Variants in CAST observed in about 807,000 individuals in gnomAD.
CAST encodes the protein calpastatin.
In CAST, 76 loss-of-function variants were observed where a neutral mutation model predicts 119.6. The ratio of observed to expected loss-of-function variants is 0.64; its 90% CI spans 0.53 to 0.77. The LOEUF is 0.77. CAST is among the 30% of genes least tolerant of loss of function. CAST has a pLI of 0.00. For missense variants in CAST, 953 were observed against 946.5 expected, an observed-to-expected ratio of 1.01 and a Z score of -0.09; for synonymous variants, 319 against 331.6, an observed-to-expected ratio of 0.96 and a Z score of 0.41.
chr5:96,770,531 G>T lies in CAST; in HGVS notation c.2269G>T (p.Asp757Tyr). The stretch of plus-strand genomic sequence containing the variant: ...CCTCATTACATTTCCTTTGCTTTAG[G>T]ATAAGTGCAAGAAGGCTGCTTCCAG... ...TTETSQNTAK[D>Y]KCKKAASSSK... Residue 757 changes from aspartate (D) to tyrosine (Y), a missense_variant and splice_region_variant, in exon 30 of 32, where the codon GAT (aspartate) becomes TAT (tyrosine). Transcript: ENST00000675179. 1 of 1,609,402 alleles carries T rather than the reference G, an allele frequency of 6.2e-7. No homozygotes were observed. Among genetic ancestry groups the T allele is most frequent in the South Asian group, 1.1e-5 (1 of 90,940 alleles).
the CAST span, among the ~76,000 whole-genome samples, chr5:96,020,270 CTT>C: frequency 1.6e-3 from 241 of 152,262 alleles, 1 homozygote; most frequent in Middle Eastern, 6.8e-3. Flanking sequence ...TTAAGGATAT[CTT>C]CTTTTATAGT....
At chr5:96,179,756 G>A in the CAST span, among the ~76,000 whole-genome samples, 82 of 152,312 alleles carry the variant, frequency 5.4e-4, no homozygotes, top group Admixed American at 1.0e-3. Context: ...TAGAGTGTAG[G>A]CCGGGCGCGG....
At chr5:96,095,397 C>G in the CAST span, among the ~76,000 whole-genome samples, 57 of 151,418 alleles carry the variant, frequency 3.8e-4, 1 homozygote, top group East Asian at 8.2e-3. Flanking sequence ...TAGAGACACC[C>G]CTGTTTCTAT....
At chr5:96,542,438 A>T (rs1447245941) in intron 1 of CAST, among the ~76,000 whole-genome samples, 1 of 142,880 alleles carries the variant, frequency 7.0e-6, no homozygotes, top group Non-Finnish European at 1.5e-5. Context: ...CATCCTCACC[A>T]GCATTTGGTA....
the CAST span, among the ~76,000 whole-genome samples, chr5:95,996,848 C>T: frequency 2.0e-5 from 3 of 152,028 alleles, no homozygotes; most frequent in Non-Finnish European, 4.4e-5. Context: ...CAGGATTATA[C>T]CTGAACTCCG....
the CAST span, among the ~76,000 whole-genome samples, chr5:96,404,226 T>C: frequency 1.3e-5 from 2 of 152,358 alleles, no homozygotes; most frequent in East Asian, 1.9e-4. Flanking sequence ...AGTAACTCTT[T>C]ATAGCATTTG....
chr5:96,088,334 C>T, the CAST span, among the ~76,000 whole-genome samples: 1 of 152,218 alleles, frequency 6.6e-6, no homozygotes, highest in African/African-American at 2.4e-5. Flanking sequence ...TGCTCTTTCT[C>T]TATGTCCTCT....
chr5:96,260,676 C>A, the CAST span, among the ~76,000 whole-genome samples: 26 of 152,278 alleles, frequency 1.7e-4, no homozygotes, highest in African/African-American at 6.3e-4. Flanking sequence ...TGATCTGAAC[C>A]AGTGACCTGG....
intron 3 of CAST, among the ~76,000 whole-genome samples, chr5:96,700,559 G>GT (rs1409099250): frequency 6.6e-6 from 1 of 152,162 alleles, no homozygotes; most frequent in African/African-American, 2.4e-5. Flanking sequence ...CAAGCTTCCA[G>GT]TGGATGTGCT....
the CAST span, among the ~76,000 whole-genome samples, chr5:96,475,860 G>T: frequency 6.6e-6 from 1 of 152,312 alleles, no homozygotes; most frequent in African/African-American, 2.4e-5. Context: ...ACTTGTTGCA[G>T]GTCACGGGTC....
chr5:96,258,045 T>C, the CAST span, among the ~76,000 whole-genome samples: 54 of 152,224 alleles, frequency 3.5e-4, no homozygotes, highest in African/African-American at 1.2e-3. Context: ...TAAGGATTCA[T>C]GGTGAGTAAC....
chr5:96,101,010 A>C, the CAST span, among the ~76,000 whole-genome samples: 3 of 152,120 alleles, frequency 2.0e-5, no homozygotes, highest in African/African-American at 7.2e-5. Context: ...GTAATTTCAA[A>C]CTCCTGGGCT....
At chr5:96,369,628 T>C in the CAST span, among the ~76,000 whole-genome samples, 2 of 152,112 alleles carry the variant, frequency 1.3e-5, no homozygotes, top group Non-Finnish European at 2.9e-5. Context: ...GACCTTTTAA[T>C]CTCCTTTCTG....
chr5:96,480,836 AG>A, the CAST span, among the ~76,000 whole-genome samples: 1 of 152,224 alleles, frequency 6.6e-6, no homozygotes, highest in Admixed American at 6.5e-5. Context: ...GAAATGGAAC[AG>A]GCATAAGCCA....
chr5:96,388,330 A>T, the CAST span, among the ~76,000 whole-genome samples: 1 of 152,214 alleles, frequency 6.6e-6, no homozygotes, highest in Non-Finnish European at 1.5e-5. Context: ...GCTTCGTGCT[A>T]TGAGTTGGCT....
At chr5:96,362,594 G>A in the CAST span, among the ~76,000 whole-genome samples, 1 of 152,166 alleles carries the variant, frequency 6.6e-6, no homozygotes, top group African/African-American at 2.4e-5. Flanking sequence ...GTGATGATGA[G>A]CATTTTTTCA....
chr5:96,271,713 A>C, the CAST span, among the ~76,000 whole-genome samples: 1 of 151,984 alleles, frequency 6.6e-6, no homozygotes, highest in Non-Finnish European at 1.5e-5. Context: ...AAGAATTTTT[A>C]GGTAAGATCT....
At chr5:96,259,842 G>A in the CAST span, among the ~76,000 whole-genome samples, 11 of 149,696 alleles carry the variant, frequency 7.3e-5, no homozygotes, top group Admixed American at 2.0e-4. Context: ...TCAATTGAGC[G>A]ATGAAGACCC....
the CAST span, among the ~76,000 whole-genome samples, chr5:96,375,922 AATATAAAT>A: frequency 7.5e-5 from 11 of 147,552 alleles, no homozygotes; most frequent in African/African-American, 2.7e-4. Context: ...TAAATATATA[AATATAAAT>A]ATATATAAAT....
Sources: allele counts gnomAD v4.1 joint callset (sites outside exome capture counted in the v4.1 genomes callset), GRCh38; gene constraint gnomAD v4.1.1; transcripts MANE v1.5; gene names NCBI Gene and HGNC (gene_info 2026-07-23, HGNC 2026-07-21).